PRMT7: variants seen among roughly 807,000 people sequenced by gnomAD.
The protein encoded by PRMT7 is protein arginine N-methyltransferase 7.
A neutral mutation model predicts 85.4 loss-of-function variants in PRMT7; 75 were observed. The observed-to-expected ratio is 0.88, with a 90% CI of 0.73 to 1.06. The LOEUF is 1.06. Among genes scored for constraint, PRMT7 ranks in the 50% least tolerant of loss-of-function variants. The pLI is 0.00. For synonymous variants in PRMT7, 397 were observed against 359.5 expected (o/e 1.10, Z -1.18); for missense variants, 868 against 915.2 (o/e 0.95, Z 0.67).
chr16:68,319,783 G>A (rs888133617), intron 3 of PRMT7, among the ~76,000 whole-genome samples: 6 of 146,948 alleles, frequency 4.1e-5, no homozygotes, highest in Admixed American at 1.4e-4. Context: ...AGTGATTCTA[G>A]TGTTGACCCA....
chr16:68,347,076 T>C lies in PRMT7; in HGVS notation c.1192-135T>C, dbSNP rs907968983. On this transcript the variant is annotated intron_variant, in intron 11 of 18. Transcript: ENST00000441236. ...CATGTTTGTGGCTGGGGGTGGTTAC[T>C]GCATGAGGACGCAGGGGGATGGTCT... The C allele has an allele frequency of 1.1e-5, 8 of 728,788 alleles. No homozygotes were observed. In the African/African-American group the frequency reaches 1.4e-4, roughly 13 times the overall value. The allele number at this position is 728,788 out of a possible 1,614,324, so 45.1% of individuals were successfully genotyped here.
chr16:68,314,231 TTTTG>T (rs1182794549), intron 2 of PRMT7, among the ~76,000 whole-genome samples: 2 of 152,106 alleles, frequency 1.3e-5, no homozygotes, highest in East Asian at 1.9e-4. Context: ...TCTATTTGCT[TTTTG>T]TTTGTTTGTT....
At position 68,358,419 on chromosome 16, in the gene PRMT7, T is replaced by G. The variant is rs1262084538; in HGVS notation, c.*1195T>G. 6.5e-6 allele frequency: 1 copy of G among 152,716 alleles called. No homozygotes were observed. The highest frequency in any genetic ancestry group is 1.5e-5 in the Non-Finnish European group (1 of 68,040). The allele number at this position is 152,716 out of a possible 1,614,324, so 9.5% of individuals were successfully genotyped here. Reference sequence around the variant, plus strand: ...ACACCTCTCTTCGCAAAATATTTTATCAGGTGTAAAGACTTGTTTTTCTTC... The same window carrying G: ...ACACCTCTCTTCGCAAAATATTTTAGCAGGTGTAAAGACTTGTTTTTCTTC... On this transcript the variant is annotated 3_prime_UTR_variant, in exon 19 of 19. Coordinates refer to ENST00000441236, the MANE Select transcript of PRMT7 (RefSeq NM_019023.5).
At chr16:68,347,957 G>A (rs1349609192) in intron 13 of PRMT7, among the ~76,000 whole-genome samples, 1 of 152,196 alleles carries the variant, frequency 6.6e-6, no homozygotes, top group Non-Finnish European at 1.5e-5. Context: ...TTAAATGTAG[G>A]ATGTGTTTCT....
Position 68,352,240 on chromosome 16 carries a change from T to G in PRMT7, c.1414-8T>G. 6.2e-7 allele frequency: 1 copy of G among 1,612,574 alleles called. No individual in the cohort carries two copies. The highest frequency in any genetic ancestry group is 8.5e-7 in the Non-Finnish European group (1 of 1,179,702). On this transcript the variant is annotated splice_polypyrimidine_tract_variant and splice_region_variant and intron_variant, in intron 14 of 18. Coordinates refer to ENST00000441236, the MANE Select transcript of PRMT7 (RefSeq NM_019023.5). Reference sequence around the variant, plus strand: ...ACACCTGGGCCCTGCTTCTCGCCCATTCACCAGGTCTCTCTCCTCCTGGGC... The same window carrying G: ...ACACCTGGGCCCTGCTTCTCGCCCAGTCACCAGGTCTCTCTCCTCCTGGGC...
intron 3 of PRMT7, among the ~76,000 whole-genome samples, chr16:68,317,862 A>C (rs2082056434): frequency 2.0e-5 from 3 of 150,306 alleles, no homozygotes; most frequent in Admixed American, 2.0e-4. Flanking sequence ...AACCACACAC[A>C]CACAGATGGG....
intron 5 of PRMT7, 74 bp downstream of exon 5, chr16:68,324,906 C>G: frequency 3.8e-6 from 6 of 1,576,808 alleles, no homozygotes; most frequent in Non-Finnish European, 4.3e-6. Context: ...CTTTCCCCGT[C>G]TGTTCCTTCA....
At chr16:68,321,495 G>T (rs1163353344) in intron 4 of PRMT7, 33 bp downstream of exon 4, 2 of 1,575,862 alleles carry the variant, frequency 1.3e-6, no homozygotes, top group Non-Finnish European at 1.7e-6. Flanking sequence ...ATCTTGATGT[G>T]GGGTGTTTTG....
rs190381182 is a variant in PRMT7, at chr16:68,348,910, G to C, written c.1413+479G>C. ...AGTCTCAGCCTCCCAAAGTGTCGGG[G>C]TTACAGGCATGAGCCACCACACCTG... On this transcript the variant is annotated intron_variant, in intron 14 of 18. Coordinates refer to ENST00000441236, the MANE Select transcript of PRMT7 (RefSeq NM_019023.5). 6.0e-3 allele frequency among the ~76,000 whole-genome samples: 915 copies of C among 152,080 alleles called. 9 individuals carry two copies. The highest frequency in any genetic ancestry group is 0.01 in the Middle Eastern group (3 of 294).
chr16:68,342,119 A>T (rs2085637046), intron 9 of PRMT7, among the ~76,000 whole-genome samples: 1 of 152,048 alleles, frequency 6.6e-6, no homozygotes, highest in East Asian at 1.9e-4. Flanking sequence ...TTCTACTAAA[A>T]ATACAAAAAT....
At chr16:68,335,523 TTTC>T (rs1411212538) in intron 6 of PRMT7, among the ~76,000 whole-genome samples, 3 of 151,962 alleles carry the variant, frequency 2.0e-5, no homozygotes, top group African/African-American at 7.3e-5. Context: ...AAGACAGAAG[TTTC>T]TTCTTAAGCT....
Position 68,352,227 on chromosome 16 carries a change from T to G in PRMT7, c.1414-21T>G, listed in dbSNP as rs753036538. On this transcript the variant is annotated intron_variant, in intron 14 of 18. Coordinates refer to ENST00000441236, the MANE Select transcript of PRMT7 (RefSeq NM_019023.5). ...CCGAGCCCTACTGACACCTGGGCCC[T>G]GCTTCTCGCCCATTCACCAGGTCTC... 8.1e-6 allele frequency: 13 copies of G among 1,610,338 alleles called. No homozygotes were observed. The South Asian group carries it at 1.4e-4, about 18-fold the overall frequency.
chr16:68,325,022 C>T (rs2151487895), intron 5 of PRMT7, among the ~76,000 whole-genome samples, 190 bp downstream of exon 5: 1 of 152,370 alleles, frequency 6.6e-6, no homozygotes, highest in East Asian at 1.9e-4. Flanking sequence ...ATTTTCTCCT[C>T]TGTCAGCCTA....
chr16:68,334,923 A>C (rs1486167838), intron 6 of PRMT7, among the ~76,000 whole-genome samples: 1 of 151,990 alleles, frequency 6.6e-6, no homozygotes, highest in Admixed American at 6.6e-5. Flanking sequence ...CAGCCTCCTG[A>C]GTAGCTGGGA....
At position 68,358,491 on chromosome 16, in the gene PRMT7, A is replaced by C. The variant is rs1295006763; in HGVS notation, c.*1267A>C. ...TATATTTGATAATGTTTTTACCAAA[A>C]CCATAGGTGTGCTTACCATAGAAAA... On this transcript the variant is annotated 3_prime_UTR_variant, in exon 19 of 19. Coordinates refer to ENST00000441236, the MANE Select transcript of PRMT7 (RefSeq NM_019023.5). The C allele has an allele frequency of 6.6e-6, 1 of 152,664 alleles. No individual in the cohort carries two copies. Among genetic ancestry groups the C allele is most frequent in the Non-Finnish European group, 1.5e-5 (1 of 68,048 alleles). 9.5% of individuals were successfully genotyped at this position (152,664 alleles called of 1,614,324 possible). A position where few individuals can be genotyped will look rare whatever the true frequency, so the allele number is the denominator to read the frequency against.
In PRMT7 at chr16:68,324,668, C is replaced by T; in HGVS notation, c.133-15C>T. 1.2e-6 allele frequency: 2 copies of T among 1,613,920 alleles called. No homozygotes were observed. Among genetic ancestry groups the T allele is most frequent in the Non-Finnish European group, 1.7e-6 (2 of 1,179,742 alleles). On this transcript the variant is annotated splice_polypyrimidine_tract_variant and intron_variant, in intron 4 of 18. Coordinates refer to ENST00000441236, the MANE Select transcript of PRMT7 (RefSeq NM_019023.5). ...TATAATAACTGGTAGTAAGTGACGG[C>T]CATGTCTTCCTTAGAATGTAAAATA...
At chr16:68,344,933 T>TACACACACACACACACACACACACATAC (rs368385265) in intron 9 of PRMT7, among the ~76,000 whole-genome samples, 1 of 131,130 alleles carries the variant, frequency 7.6e-6, no homozygotes, top group Admixed American at 7.9e-5. Flanking sequence ...CCTGCATCTC[T>TACACACACACACACACACACACACATAC]ACACACACAC....
chr16:68,350,187 TTG>T (rs561096892), intron 14 of PRMT7, among the ~76,000 whole-genome samples: 46 of 152,374 alleles, frequency 3.0e-4, no homozygotes, highest in African/African-American at 1.1e-3. Context: ...GACGTTTGGA[TTG>T]TGTCCAGTTT....
chr16:68,340,035 A>G, intron 9 of PRMT7, 67 bp downstream of exon 9: 1 of 1,453,900 alleles, frequency 6.9e-7, no homozygotes, highest in Non-Finnish European at 9.2e-7. Flanking sequence ...TGGGAAAGTA[A>G]CAGTTGAGCC....
Sources: allele counts gnomAD v4.1 joint callset (sites outside exome capture counted in the v4.1 genomes callset), GRCh38; gene constraint gnomAD v4.1.1; transcripts MANE v1.5; gene names NCBI Gene and HGNC (gene_info 2026-07-23, HGNC 2026-07-21).